Variants in TLN2 observed in about 807,000 individuals in gnomAD.
The protein encoded by TLN2 is talin-2.
TLN2 carries 118 observed loss-of-function variants against 294.7 expected under a neutral mutation model. That is an observed-to-expected ratio of 0.40 (90% CI 0.34 to 0.47). The LOEUF (loss-of-function observed/expected upper bound fraction) is 0.47, where lower values mean the gene tolerates loss of function less well. Among genes scored for constraint, TLN2 ranks in the 20% least tolerant of loss-of-function variants. The pLI is 0.84. For synonymous variants in TLN2, 1,431 were observed against 1,304.5 expected (o/e 1.10, Z -2.09); for missense variants, 3,083 against 3,282.2 (o/e 0.94, Z 1.48).
chr15:62,797,487 C>T (rs2065581657), intron 48 of TLN2, 85 bp downstream of exon 48: 2 of 1,432,484 alleles, frequency 1.4e-6, no homozygotes, highest in Non-Finnish European at 1.8e-6. Flanking sequence ...TAAGGCAGAA[C>T]AGGAACTTTT....
At chr15:62,700,770 A>G (rs777332660) in intron 16 of TLN2, among the ~76,000 whole-genome samples, 17 of 152,228 alleles carry the variant, frequency 1.1e-4, no homozygotes, top group Non-Finnish European at 2.4e-4. Flanking sequence ...GTGCAGTATT[A>G]TGATGAAACA....
At chr15:62,492,543 CAA>C (rs35935035) in intron 1 of TLN2, among the ~76,000 whole-genome samples, 14 of 84,612 alleles carry the variant, frequency 1.7e-4, no homozygotes, top group Non-Finnish European at 2.6e-4. Context: ...GACTCTGTCT[CAA>C]AAAAAAAAAA....
chr15:62,545,184 C>A (rs370825304), intron 1 of TLN2, among the ~76,000 whole-genome samples: 27 of 152,068 alleles, frequency 1.8e-4, no homozygotes, highest in African/African-American at 6.5e-4. Context: ...ATGATCTGCC[C>A]ACCTCGGCCT....
At chr15:62,725,196 C>A in intron 27 of TLN2, 92 bp downstream of exon 27, 1 of 1,488,442 alleles carries the variant, frequency 6.7e-7, no homozygotes. Flanking sequence ...AAAGTTGCGG[C>A]ATGTTGAGAA....
At position 62,414,858 on chromosome 15, in the gene TLN2, G is replaced by A. The variant is rs374995362; in HGVS notation, c.-238+24173G>A. ...GACTCTGGTTGTGACCCAAGGAGGA[G>A]TAAATAAAAGAATTTTTCCTGTCAA... On this transcript the variant is annotated intron_variant, in intron 1 of 58. Transcript: ENST00000636159. 7.5e-4 allele frequency among the ~76,000 whole-genome samples: 106 copies of A among 141,214 alleles called. 7 individuals are homozygous for A. The highest frequency in any genetic ancestry group is 2.5e-3 in the African/African-American group (98 of 39,648). 92.6% of individuals were successfully genotyped at this position (141,214 alleles called of 152,430 possible).
chr15:62,544,740 T>C (rs1267318953), intron 1 of TLN2, among the ~76,000 whole-genome samples: 2 of 151,650 alleles, frequency 1.3e-5, no homozygotes, highest in Admixed American at 1.3e-4. Context: ...TTTTTTTTTT[T>C]CTTCCCCCCC....
intron 1 of TLN2, among the ~76,000 whole-genome samples, chr15:62,567,491 A>G (rs1312271609): frequency 6.6e-6 from 1 of 152,144 alleles, no homozygotes; most frequent in Non-Finnish European, 1.5e-5. Context: ...TGCTGGTGGG[A>G]GTAATATCCA....
chr15:62,434,790 A>C (rs1377232711), intron 1 of TLN2, among the ~76,000 whole-genome samples: 1 of 152,204 alleles, frequency 6.6e-6, no homozygotes, highest in African/African-American at 2.4e-5. Context: ...TTTTAAGTTC[A>C]GGGGAACATG....
In TLN2 at chr15:62,836,048, A is replaced by G. The variant is rs1357507590; in HGVS notation, c.7349A>G (p.Asp2450Gly). The change falls in exon 57 of 59, where the codon GAT becomes GGT. Residue 2450 changes from aspartate (D) to glycine (G), a missense_variant. Transcript: ENST00000636159. ...GCCTGCAAGGTGAAGGCCGACCAGG[A>G]TTCAGAGGCCATGAGGCGGCTACAG... ...LVACKVKADQDSEAMRRLQAA... is the reference protein window; with the variant it reads ...LVACKVKADQGSEAMRRLQAA... 2 of 1,611,940 alleles carry G rather than the reference A, an allele frequency of 1.2e-6. No individual in the cohort carries two copies. The highest frequency in any genetic ancestry group is 1.7e-6 in the Non-Finnish European group (2 of 1,179,110).
At chr15:62,662,072 A>T (rs2053910870) in intron 9 of TLN2, among the ~76,000 whole-genome samples, 1 of 152,164 alleles carries the variant, frequency 6.6e-6, no homozygotes, top group African/African-American at 2.4e-5. Flanking sequence ...AATAGAAGAA[A>T]TAAGATATTT....
intron 1 of TLN2, among the ~76,000 whole-genome samples, chr15:62,425,318 GGGA>G (rs2034649413): frequency 1.4e-5 from 2 of 146,304 alleles, no homozygotes; most frequent in African/African-American, 4.9e-5. Flanking sequence ...AGCACCCCTG[GGGA>G]ATACTGCCTG....
chr15:62,695,658 T>C (rs1386764083), intron 14 of TLN2, among the ~76,000 whole-genome samples: 2 of 152,336 alleles, frequency 1.3e-5, no homozygotes, highest in South Asian at 4.1e-4. Context: ...ACAATTTGCT[T>C]CCTAATCACC....
chr15:62,808,854 A>C (rs908968689), intron 51 of TLN2, among the ~76,000 whole-genome samples: 2 of 152,240 alleles, frequency 1.3e-5, no homozygotes, highest in African/African-American at 4.8e-5. Flanking sequence ...CATGCTGGCC[A>C]TGAGAATTAG....
intron 11 of TLN2, among the ~76,000 whole-genome samples, chr15:62,684,567 G>C (rs1275971758): frequency 6.6e-6 from 1 of 152,110 alleles, no homozygotes; most frequent in African/African-American, 2.4e-5. Flanking sequence ...GGTGTCCTCC[G>C]TGAGGAAGCT....
chr15:62,500,137 G>A (rs1405476722), intron 1 of TLN2, among the ~76,000 whole-genome samples: 2 of 151,858 alleles, frequency 1.3e-5, no homozygotes, highest in Non-Finnish European at 2.9e-5. Flanking sequence ...AGGAGTTCAC[G>A]ACCAGCCTCG....
At chr15:62,585,541 A>G (rs2045526568) in intron 1 of TLN2, among the ~76,000 whole-genome samples, 1 of 152,110 alleles carries the variant, frequency 6.6e-6, no homozygotes, top group African/African-American at 2.4e-5. Context: ...GCCTGCATTA[A>G]TGTCCTGCTG....
chr15:62,483,165 T>C (rs1450681939), intron 1 of TLN2, among the ~76,000 whole-genome samples: 1 of 152,180 alleles, frequency 6.6e-6, no homozygotes, highest in Non-Finnish European at 1.5e-5. Flanking sequence ...CAAGAACTAC[T>C]CCAATGTTGG....
At chr15:62,751,135 G>A (rs541123794) in intron 34 of TLN2, among the ~76,000 whole-genome samples, 59 of 151,780 alleles carry the variant, frequency 3.9e-4, no homozygotes, top group Non-Finnish European at 5.2e-4. Flanking sequence ...CTCCTTAGTG[G>A]AACAATAATA....
Position 62,675,214 on chromosome 15 carries a change from C to T in TLN2, c.853-3C>T, listed in dbSNP as rs1267547022. On this transcript the variant is annotated splice_region_variant and splice_polypyrimidine_tract_variant and intron_variant, in intron 10 of 58. Coordinates refer to ENST00000636159, the MANE Select transcript of TLN2 (RefSeq NM_015059.3). ...CTGGTCCCGACCACTGTCACTTTTG[C>T]AGGAGCATAAGAACTGCGGAGAGAT... 5 of 1,613,938 alleles carry T rather than the reference C, an allele frequency of 3.1e-6. No homozygotes were observed. The highest frequency in any genetic ancestry group is 1.3e-5 in the African/African-American group (1 of 74,930).
Sources: gnomAD v4.1 joint callset for allele counts (sites outside exome capture counted in the v4.1 genomes callset) on GRCh38, gnomAD v4.1.1 for gene constraint, MANE v1.5 for transcripts, NCBI Gene and HGNC (gene_info 2026-07-23, HGNC 2026-07-21) for gene names.